ACOXL: variants seen among roughly 807,000 people sequenced by gnomAD.
The protein encoded by ACOXL is acyl-CoA oxidase like.
In ACOXL, 70 loss-of-function variants were observed where a neutral mutation model predicts 71.9. The observed-to-expected ratio is 0.97, with a 90% CI of 0.80 to 1.19. ACOXL has a LOEUF of 1.19. ACOXL is among the 50% of genes most tolerant of loss of function. ACOXL has a pLI of 0.00. For synonymous variants in ACOXL, 253 were observed against 281.6 expected, an observed-to-expected ratio of 0.90 and a Z score of 1.02; for missense variants, 703 against 736.3, an observed-to-expected ratio of 0.95 and a Z score of 0.52.
Position 111,118,335 on chromosome 2 carries a change from T to TG in ACOXL, c.*523dup, listed in dbSNP as rs1329673026. On this transcript the variant is annotated 3_prime_UTR_variant, in exon 18 of 18. Transcript: ENST00000439055. ...TGCTATTTCAGTGAATCAGACGCTCTGGGGCTCTGCAAGGAAACGCACGGA... is the reference window on the plus strand; with the variant it reads ...TGCTATTTCAGTGAATCAGACGCTCTGGGGGCTCTGCAAGGAAACGCACGGA... 1.3e-5 allele frequency: 2 copies of TG among 155,382 alleles called. No individual in the cohort carries two copies. The highest frequency in any genetic ancestry group is 3.9e-4 in the South Asian group (2 of 5,090). 9.6% of individuals were successfully genotyped at this position (155,382 alleles called of 1,614,324 possible).
chr2:111,060,423 C>G (rs1396125492), intron 16 of ACOXL, among the ~76,000 whole-genome samples: 2 of 152,146 alleles, frequency 1.3e-5, no homozygotes, highest in African/African-American at 2.4e-5. Context: ...TCAGCAGGGG[C>G]CTAGTGGGAG....
intron 16 of ACOXL, among the ~76,000 whole-genome samples, chr2:111,074,884 C>T (rs2067522243): frequency 6.6e-6 from 1 of 152,176 alleles, no homozygotes; most frequent in African/African-American, 2.4e-5. Context: ...CGTGACCCAT[C>T]TAATGGTTTA....
chr2:110,849,323 T>G (rs1421096651), intron 10 of ACOXL, among the ~76,000 whole-genome samples: 1 of 152,164 alleles, frequency 6.6e-6, no homozygotes, highest in African/African-American at 2.4e-5. Flanking sequence ...GATATCCCCC[T>G]GGAAAATGAC....
At position 111,117,924 on chromosome 2, in the gene ACOXL, ACT is replaced by A. The variant is rs1269732461; in HGVS notation, c.*112_*113del. The A allele has an allele frequency of 1.5e-6, 2 of 1,301,842 alleles. No homozygotes were observed. The highest frequency in any genetic ancestry group is 2.6e-5 in the East Asian group (1 of 38,972). The allele number at this position is 1,301,842 out of a possible 1,614,324, so 80.6% of individuals were successfully genotyped here. On this transcript the variant is annotated 3_prime_UTR_variant, in exon 18 of 18. Coordinates refer to ENST00000439055, the MANE Select transcript of ACOXL (RefSeq NM_001142807.4). ...GGGGGCTGGCACCCGCTGGGCCGCC[ACT>A]CTCGGGGATTTTGGTGGCAAAGCGG...
At chr2:110,910,775 G>A (rs1044960841) in intron 11 of ACOXL, among the ~76,000 whole-genome samples, 2 of 152,012 alleles carry the variant, frequency 1.3e-5, no homozygotes, top group African/African-American at 4.8e-5. Flanking sequence ...TAAATCTCTT[G>A]CATATTTTTC....
chr2:111,109,437 C>G (rs888976907), intron 17 of ACOXL, among the ~76,000 whole-genome samples: 1 of 129,638 alleles, frequency 7.7e-6, no homozygotes, highest in South Asian at 2.2e-4. Flanking sequence ...GTACTGATGG[C>G]CTGTTCATTT....
chr2:111,059,706 C>T (rs1441688795), intron 16 of ACOXL, among the ~76,000 whole-genome samples: 1 of 151,082 alleles, frequency 6.6e-6, no homozygotes, highest in Admixed American at 6.6e-5. Context: ...GTTTGTGCCT[C>T]ATACATTCCA....
At chr2:111,047,622 A>G (rs2066081204) in intron 15 of ACOXL, among the ~76,000 whole-genome samples, 2 of 152,328 alleles carry the variant, frequency 1.3e-5, no homozygotes, top group South Asian at 4.1e-4. Flanking sequence ...GTGTATTCTG[A>G]ATGAGTGACA....
At chr2:110,761,600 G>T (rs1471483408) in intron 1 of ACOXL, among the ~76,000 whole-genome samples, 1 of 152,172 alleles carries the variant, frequency 6.6e-6, no homozygotes, top group Non-Finnish European at 1.5e-5. Flanking sequence ...TGGCCTATGT[G>T]CTCTAAAGGC....
chr2:110,777,967 T>G (rs1682858491), intron 2 of ACOXL, among the ~76,000 whole-genome samples: 1 of 152,240 alleles, frequency 6.6e-6, no homozygotes, highest in Non-Finnish European at 1.5e-5. Context: ...CTTGGGCATG[T>G]GAGCCGAGTT....
chr2:110,736,226 T>C (rs1676823714), intron 1 of ACOXL, among the ~76,000 whole-genome samples: 1 of 152,168 alleles, frequency 6.6e-6, no homozygotes, highest in Admixed American at 6.5e-5. Context: ...TGTGGCAAAA[T>C]ACACACTATA....
chr2:111,052,108 T>C (rs956523469), intron 16 of ACOXL, among the ~76,000 whole-genome samples: 13 of 152,172 alleles, frequency 8.5e-5, no homozygotes, highest in East Asian at 1.9e-4. Context: ...CATTGAGATT[T>C]TGAAGATGGC....
intron 12 of ACOXL, among the ~76,000 whole-genome samples, chr2:110,961,923 A>C (rs2149449745): frequency 6.6e-6 from 1 of 152,346 alleles, no homozygotes; most frequent in South Asian, 2.1e-4. Flanking sequence ...GCCATGATTC[A>C]GTTACCTACC....
chr2:110,910,556 A>G (rs1239154885), intron 11 of ACOXL, among the ~76,000 whole-genome samples: 1 of 152,224 alleles, frequency 6.6e-6, no homozygotes, highest in Non-Finnish European at 1.5e-5. Context: ...GTACTGTTTT[A>G]CAGGCCCTCA....
chr2:110,841,229 A>C, intron 9 of ACOXL, 142 bp from the exon 10 acceptor site: 1 of 615,550 alleles, frequency 1.6e-6, no homozygotes. Context: ...TGTCATTAAA[A>C]TGTGTTATTT....
At chr2:110,913,070 C>T (rs918159155) in intron 11 of ACOXL, among the ~76,000 whole-genome samples, 2 of 152,146 alleles carry the variant, frequency 1.3e-5, no homozygotes, top group Non-Finnish European at 2.9e-5. Context: ...AAACTTCACA[C>T]CCACTAGGAT....
intron 10 of ACOXL, among the ~76,000 whole-genome samples, chr2:110,898,105 ACTC>A: frequency 6.6e-6 from 1 of 152,268 alleles, no homozygotes; most frequent in African/African-American, 2.4e-5. Context: ...TGATTTTAAA[ACTC>A]CTAAGAAAAT....
chr2:110,839,598 T>C (rs1690884842), intron 9 of ACOXL, among the ~76,000 whole-genome samples: 1 of 152,126 alleles, frequency 6.6e-6, no homozygotes, highest in Non-Finnish European at 1.5e-5. Context: ...CGTAAGTCTC[T>C]GATTGCTGAT....
At chr2:110,890,453 A>G (rs1167339306) in intron 10 of ACOXL, among the ~76,000 whole-genome samples, 3 of 152,170 alleles carry the variant, frequency 2.0e-5, no homozygotes, top group Admixed American at 6.5e-5. Context: ...TAACTCCTGC[A>G]TTAGGTCTGT....
Sources: allele counts gnomAD v4.1 joint callset (sites outside exome capture counted in the v4.1 genomes callset), GRCh38; gene constraint gnomAD v4.1.1; transcripts MANE v1.5; gene names NCBI Gene and HGNC (gene_info 2026-07-23, HGNC 2026-07-21).